The following ZNF169 variants were observed in gnomAD, a reference collection of about 807,000 sequenced individuals.
The protein encoded by ZNF169 is zinc finger protein 169.
In ZNF169, 11 loss-of-function variants were observed where a neutral mutation model predicts 12.0. The ratio of observed to expected loss-of-function variants is 0.92; its 90% CI spans 0.58 to 1.52. The LOEUF is 1.52. Ranked by LOEUF, ZNF169 falls within the 40% of genes most tolerant of loss-of-function variation. The pLI is 0.00. For missense variants in ZNF169, 722 were observed against 744.0 expected (o/e 0.97, Z 0.34); for synonymous variants, 302 against 286.5 (o/e 1.05, Z -0.55).
intron 1 of ZNF169, among the ~76,000 whole-genome samples, chr9:94,266,382 TG>T (rs765200324): frequency 3.0e-4 from 45 of 152,284 alleles, no homozygotes; most frequent in Middle Eastern, 3.4e-3. Flanking sequence ...CCTGCTGAGA[TG>T]GGGTCGTTGT....
intron 1 of ZNF169, among the ~76,000 whole-genome samples, chr9:94,262,916 C>G (rs765171022): frequency 6.6e-6 from 1 of 152,202 alleles, no homozygotes; most frequent in Non-Finnish European, 1.5e-5. Flanking sequence ...TCTAGCTATT[C>G]TTACTGACTT....
intron 2 of ZNF169, among the ~76,000 whole-genome samples, chr9:94,290,127 AT>A (rs1830801196): frequency 6.6e-6 from 1 of 152,208 alleles, no homozygotes; most frequent in African/African-American, 2.4e-5. Context: ...AAAAATCATG[AT>A]TTTATCAGTT....
chr9:94,288,468 C>T (rs1830761381), intron 2 of ZNF169: 6 of 944,998 alleles, frequency 6.3e-6, no homozygotes, highest in African/African-American at 4.8e-5. Context: ...TCAAATCAAG[C>T]TTTATTAAGC....
At chr9:94,261,628 C>A (rs993511842) in intron 1 of ZNF169, among the ~76,000 whole-genome samples, 1 of 152,186 alleles carries the variant, frequency 6.6e-6, no homozygotes, top group Admixed American at 6.5e-5. Context: ...GGGGTCTATA[C>A]CAGGATTTGG....
chr9:94,262,194 T>A (rs1001303254), intron 1 of ZNF169, among the ~76,000 whole-genome samples: 9 of 152,184 alleles, frequency 5.9e-5, no homozygotes, highest in African/African-American at 2.2e-4. Flanking sequence ...ACAGGCACCT[T>A]GTCTGGCTCC....
chr9:94,269,728 T>C (rs1034526090), intron 1 of ZNF169, among the ~76,000 whole-genome samples: 2 of 152,172 alleles, frequency 1.3e-5, no homozygotes, highest in Non-Finnish European at 2.9e-5. Flanking sequence ...CCAGACCAAC[T>C]CAAAATTACA....
chr9:94,261,167 G>A (rs552181408), intron 1 of ZNF169, among the ~76,000 whole-genome samples: 16 of 152,054 alleles, frequency 1.1e-4, no homozygotes, highest in Non-Finnish European at 2.4e-4. Context: ...TCAGCCTCCC[G>A]AGTAGCTGGG....
Position 94,300,179 on chromosome 9 carries a change from A to T in ZNF169, c.621A>T (p.Ser207=). The change falls in exon 5 of 5, where the codon TCA becomes TCT. Residue 207 remains serine (S), a synonymous_variant. Transcript: ENST00000395395. ...CAATGTTGAAGGGAGCAGACACTTCAGAATCTGGAGCAGTCATACGTGGAA... is the reference window on the plus strand; with the variant it reads ...CAATGTTGAAGGGAGCAGACACTTCTGAATCTGGAGCAGTCATACGTGGAA... ...SDTMLKGADT[S]ESGAVIRGNY... 2.5e-6 allele frequency: 4 copies of T among 1,614,232 alleles called. No individual in the cohort carries two copies. The highest frequency in any genetic ancestry group is 3.4e-6 in the Non-Finnish European group (4 of 1,180,044).
At chr9:94,285,999 G>T (rs1423565234) in intron 2 of ZNF169, among the ~76,000 whole-genome samples, 1 of 151,688 alleles carries the variant, frequency 6.6e-6, no homozygotes, top group African/African-American at 2.4e-5. Context: ...CAACAAGAGC[G>T]AAACTCCATC....
intron 2 of ZNF169, among the ~76,000 whole-genome samples, chr9:94,290,933 C>A (rs149374682): frequency 6.7e-6 from 1 of 148,974 alleles, no homozygotes; most frequent in East Asian, 2.0e-4. Context: ...ATATGTTTTT[C>A]TTTTTTCTGG....
At chr9:94,267,953 C>T (rs1167439264) in intron 1 of ZNF169, among the ~76,000 whole-genome samples, 2 of 150,626 alleles carry the variant, frequency 1.3e-5, no homozygotes, top group Non-Finnish European at 2.9e-5. Context: ...GCAACCTGCC[C>T]CTCCTGGGTT....
chr9:94,285,937 G>A (rs920622781), intron 2 of ZNF169, among the ~76,000 whole-genome samples: 1 of 151,108 alleles, frequency 6.6e-6, no homozygotes, highest in Non-Finnish European at 1.5e-5. Context: ...CTTGAACCCA[G>A]GAGGCGGAGG....
At chr9:94,296,698 C>CT (rs1244699553) in intron 4 of ZNF169, 12 of 454,198 alleles carry the variant, frequency 2.6e-5, no homozygotes, top group East Asian at 2.1e-4. Flanking sequence ...TACCTGGACT[C>CT]TATGTTTTTT....
At chr9:94,262,109 G>A (rs1191755372) in intron 1 of ZNF169, among the ~76,000 whole-genome samples, 2 of 152,128 alleles carry the variant, frequency 1.3e-5, no homozygotes. Flanking sequence ...TTTATTATAT[G>A]AGGACTCCAC....
chr9:94,297,691 G>A (rs912636147), intron 4 of ZNF169, among the ~76,000 whole-genome samples: 3 of 152,116 alleles, frequency 2.0e-5, no homozygotes, highest in Non-Finnish European at 2.9e-5. Context: ...TTAACAAATA[G>A]AATAACATAT....
chr9:94,270,535 C>G lies in ZNF169; in HGVS notation c.-55-8223C>G, dbSNP rs556043608. On this transcript the variant is annotated intron_variant, in intron 1 of 4. Coordinates refer to ENST00000395395, the MANE Select transcript of ZNF169 (RefSeq NM_194320.4). ...AAATTGAGGAAGTTTCCTTCTATTG[C>G]TAATTTGTTAGGAGTTTTTATCATG... 2.1e-5 allele frequency among the ~76,000 whole-genome samples: 3 copies of G among 142,662 alleles called. No homozygotes were observed. The East Asian group carries it at 6.0e-4, about 29-fold the overall frequency. The allele number at this position is 142,662 out of a possible 152,430, so 93.6% of individuals were successfully genotyped here.
In ZNF169 at chr9:94,301,228, T is replaced by C. The variant is rs1434724240; in HGVS notation, c.1670T>C (p.Leu557Pro). The change falls in exon 5 of 5, where the codon CTC (leucine) becomes CCC (proline). Residue 557 changes from leucine to proline, a missense_variant. Transcript: ENST00000395395. ...CGCGGCTTTGGCTTTAAGTCTGCCC[T>C]CATCCGACATCAGCGGACCCATTCT... ...CGRGFGFKSA[L>P]IRHQRTHSGE... is the part of the protein sequence containing the mutation. 1 of 1,614,098 alleles carries C rather than the reference T, an allele frequency of 6.2e-7. No individual in the cohort carries two copies. The highest frequency in any genetic ancestry group is 1.1e-5 in the South Asian group (1 of 91,082).
intron 2 of ZNF169, among the ~76,000 whole-genome samples, chr9:94,279,051 G>A (rs1006732265): frequency 1.3e-5 from 2 of 152,022 alleles, no homozygotes; most frequent in African/African-American, 4.8e-5. Flanking sequence ...CACATCCTGG[G>A]CAGTTAAAAT....
At chr9:94,274,267 T>C (rs1830482002) in intron 1 of ZNF169, among the ~76,000 whole-genome samples, 1 of 152,172 alleles carries the variant, frequency 6.6e-6, no homozygotes, top group Admixed American at 6.5e-5. Context: ...GGGGTTAGGA[T>C]GTCAACATAC....
Sources: allele counts gnomAD v4.1 joint callset (sites outside exome capture counted in the v4.1 genomes callset), GRCh38; gene constraint gnomAD v4.1.1; transcripts MANE v1.5; gene names NCBI Gene and HGNC (gene_info 2026-07-23, HGNC 2026-07-21).